ABTB3: variants seen among roughly 807,000 people sequenced by gnomAD.
The protein encoded by ABTB3 is ankyrin repeat and BTB domain containing 3.
chr12:107,482,684 C>T, the ABTB3 span, among the ~76,000 whole-genome samples: 1 of 152,110 alleles, frequency 6.6e-6, no homozygotes, highest in Non-Finnish European at 1.5e-5. Flanking sequence ...ATGCCACCTC[C>T]TCACTGCCCA....
At chr12:107,421,732 C>G in the ABTB3 span, among the ~76,000 whole-genome samples, 2 of 152,204 alleles carry the variant, frequency 1.3e-5, no homozygotes, top group African/African-American at 4.8e-5. Flanking sequence ...CCCCCTGCGC[C>G]TTCCACTTCG....
the ABTB3 span, among the ~76,000 whole-genome samples, chr12:107,519,638 AC>A: frequency 2.0e-5 from 3 of 152,052 alleles, no homozygotes; most frequent in Admixed American, 1.3e-4. Context: ...TTTTCTTATG[AC>A]CAAGGCAGAG....
At chr12:107,375,894 C>T in the ABTB3 span, among the ~76,000 whole-genome samples, 1 of 152,190 alleles carries the variant, frequency 6.6e-6, no homozygotes, top group East Asian at 1.9e-4. Flanking sequence ...ATCCAGGGTT[C>T]CTGCCTCGAC....
At chr12:107,333,470 C>T in the ABTB3 span, among the ~76,000 whole-genome samples, 1 of 152,272 alleles carries the variant, frequency 6.6e-6, no homozygotes, top group African/African-American at 2.4e-5. Flanking sequence ...CAGAAGAGGA[C>T]ATGAGGCCCA....
the ABTB3 span, among the ~76,000 whole-genome samples, chr12:107,574,826 A>C: frequency 6.6e-6 from 1 of 152,358 alleles, no homozygotes; most frequent in East Asian, 1.9e-4. Flanking sequence ...AAGGCACAGA[A>C]ACATTTAAGA....
chr12:107,401,907 G>A, the ABTB3 span, among the ~76,000 whole-genome samples: 3 of 140,736 alleles, frequency 2.1e-5, no homozygotes, highest in Non-Finnish European at 3.1e-5. Flanking sequence ...GGTAACAACC[G>A]CTTAGGGTTT....
chr12:107,438,533 C>T, the ABTB3 span, among the ~76,000 whole-genome samples: 9 of 152,116 alleles, frequency 5.9e-5, no homozygotes, highest in Non-Finnish European at 1.2e-4. Flanking sequence ...CCTCAGGAGG[C>T]GTTAGAATAT....
chr12:107,333,768 T>C, the ABTB3 span, among the ~76,000 whole-genome samples: 11 of 152,200 alleles, frequency 7.2e-5, no homozygotes, highest in Admixed American at 7.2e-4. Context: ...ACTTACATTC[T>C]AGTGGGAGAG....
At chr12:107,372,654 C>T in the ABTB3 span, among the ~76,000 whole-genome samples, 1 of 152,104 alleles carries the variant, frequency 6.6e-6, no homozygotes, top group Non-Finnish European at 1.5e-5. Context: ...GAAGATACAC[C>T]CACCCCAGAG....
the ABTB3 span, among the ~76,000 whole-genome samples, chr12:107,332,401 C>G: frequency 6.6e-6 from 1 of 152,172 alleles, no homozygotes; most frequent in African/African-American, 2.4e-5. Context: ...TGGTTATCAT[C>G]TCTGTTTTAC....
the ABTB3 span, among the ~76,000 whole-genome samples, chr12:107,435,259 C>T: frequency 6.6e-6 from 1 of 152,254 alleles, no homozygotes; most frequent in Non-Finnish European, 1.5e-5. Context: ...TACGCTGACA[C>T]TGAGTACGCA....
the ABTB3 span, among the ~76,000 whole-genome samples, chr12:107,497,709 G>A: frequency 6.6e-6 from 1 of 152,186 alleles, no homozygotes; most frequent in African/African-American, 2.4e-5. Flanking sequence ...GGGAGGGACA[G>A]CTTTTCAGTG....
the ABTB3 span, among the ~76,000 whole-genome samples, chr12:107,452,702 G>C: frequency 2.6e-5 from 4 of 152,092 alleles, no homozygotes; most frequent in Admixed American, 6.6e-5. Flanking sequence ...ATTAGTCAGC[G>C]TGGTGGCAGG....
the ABTB3 span, among the ~76,000 whole-genome samples, chr12:107,490,547 A>T: frequency 1.3e-5 from 2 of 152,276 alleles, no homozygotes; most frequent in East Asian, 3.9e-4. Flanking sequence ...GAGCCAACCC[A>T]GGAAGCTCTC....
the ABTB3 span, chr12:107,619,854 C>T: frequency 7.0e-5 from 56 of 795,538 alleles, no homozygotes; most frequent in East Asian, 1.0e-3. Flanking sequence ...CCCTTGGTCT[C>T]GTCATTTAGT....
At chr12:107,407,649 T>G in the ABTB3 span, among the ~76,000 whole-genome samples, 1 of 152,136 alleles carries the variant, frequency 6.6e-6, no homozygotes, top group Non-Finnish European at 1.5e-5. Context: ...AGTCAAAGGA[T>G]AGAGAAATAG....
At chr12:107,322,177 A>G in the ABTB3 span, among the ~76,000 whole-genome samples, 1 of 152,164 alleles carries the variant, frequency 6.6e-6, no homozygotes, top group Non-Finnish European at 1.5e-5. Context: ...TTTTGGAGGA[A>G]GTATAATTTA....
the ABTB3 span, chr12:107,657,970 A>G: frequency 1.9e-6 from 1 of 531,426 alleles, no homozygotes; most frequent in Non-Finnish European, 3.4e-6. Flanking sequence ...CCCTAGGACC[A>G]TTGAACACCC....
At chr12:107,506,839 G>C in the ABTB3 span, among the ~76,000 whole-genome samples, 7 of 152,178 alleles carry the variant, frequency 4.6e-5, no homozygotes, top group African/African-American at 1.7e-4. Flanking sequence ...TGAATGAATT[G>C]ATGCATGAGA....
Sources: gnomAD v4.1 joint callset for allele counts (sites outside exome capture counted in the v4.1 genomes callset) on GRCh38, gnomAD v4.1.1 for gene constraint, MANE v1.5 for transcripts, NCBI Gene and HGNC (gene_info 2026-07-23, HGNC 2026-07-21) for gene names.